GLRA2: variants seen among roughly 807,000 people sequenced by gnomAD.
GLRA2 encodes the protein glycine receptor subunit alpha-2.
GLRA2 carries 11 observed loss-of-function variants against 31.6 expected under a neutral mutation model. The ratio of observed to expected loss-of-function variants is 0.35; its 90% CI spans 0.22 to 0.58. GLRA2 has a LOEUF of 0.58. Among genes scored for constraint, GLRA2 ranks in the 20% least tolerant of loss-of-function variants. The probability of loss-of-function intolerance (pLI) is 0.84; values close to 1 mark genes in which losing one functional copy is unlikely to be tolerated. For missense variants in GLRA2, 212 were observed against 351.8 expected, an observed-to-expected ratio of 0.60 and a Z score of 3.18; for synonymous variants, 132 against 134.0, an observed-to-expected ratio of 0.99 and a Z score of 0.10.
chrX:14,728,145 C>T (rs757897735), intron 8 of GLRA2, among the ~76,000 whole-genome samples: 18 of 111,344 alleles, frequency 1.6e-4, no homozygotes, highest in Admixed American at 1.3e-3. Context: ...TTAAAGGTTA[C>T]AACTAGGCCG....
chrX:14,564,392 A>G (rs2089774671), intron 2 of GLRA2, among the ~76,000 whole-genome samples: 1 of 111,473 alleles, frequency 9.0e-6, no homozygotes, highest in South Asian at 3.7e-4. Flanking sequence ...GGGAGAAATT[A>G]AGACATTACT....
chrX:14,721,381 G>C (rs936356533), intron 8 of GLRA2, among the ~76,000 whole-genome samples: 1 of 111,058 alleles, frequency 9.0e-6, no homozygotes, highest in African/African-American at 3.3e-5. Flanking sequence ...TAATTACCTT[G>C]AGTTAATCAT....
intron 4 of GLRA2, among the ~76,000 whole-genome samples, chrX:14,588,567 G>T (rs764141815): frequency 1.8e-5 from 2 of 111,285 alleles, no homozygotes; most frequent in East Asian, 5.6e-4. Context: ...TATCTGGGCT[G>T]TTTTTTGGTT....
At chrX:14,516,756 C>T in the GLRA2 span, among the ~76,000 whole-genome samples, 9 of 111,525 alleles carry the variant, frequency 8.1e-5, no homozygotes, top group East Asian at 2.0e-3. Flanking sequence ...ACCCAGGCAC[C>T]ATGGCATAAG....
At chrX:14,473,130 G>A in the GLRA2 span, among the ~76,000 whole-genome samples, 1 of 111,593 alleles carries the variant, frequency 9.0e-6, no homozygotes, top group African/African-American at 3.3e-5. Context: ...GGAAAGTTGC[G>A]TGTACTAGTT....
At chrX:14,540,295 T>G (rs2089383831) in intron 2 of GLRA2, among the ~76,000 whole-genome samples, 1 of 110,186 alleles carries the variant, frequency 9.1e-6, no homozygotes, top group Non-Finnish European at 1.9e-5. Flanking sequence ...AGGGAGGGAG[T>G]GATTACCAGA....
In GLRA2 at chrX:14,730,404, C is replaced by T. The variant is rs1217614927; in HGVS notation, c.1278C>T (p.Phe426=). Residue 426 remains phenylalanine (F), a synonymous_variant, in exon 9 of 9, where the codon TTC becomes TTT. Coordinates refer to ENST00000218075, the MANE Select transcript of GLRA2 (RefSeq NM_002063.4). ...TTGACACGATATCTCGAGCTGCCTT[C>T]CCATTGGCCTTCCTCATTTTCAACA... ...KRIDTISRAA[F]PLAFLIFNIF... 8.3e-7 allele frequency: 1 copy of T among 1,203,559 alleles called. No homozygotes were observed. Among genetic ancestry groups the T allele is most frequent in the East Asian group, 3.0e-5 (1 of 33,774 alleles).
At chrX:14,582,172 C>T in intron 4 of GLRA2, among the ~76,000 whole-genome samples, 1 of 99,641 alleles carries the variant, frequency 1.0e-5, no homozygotes, top group South Asian at 4.9e-4. Flanking sequence ...CACCCACTAA[C>T]TCGTCATCTA....
At chrX:14,641,296 CTAAT>C (rs2090770008) in intron 7 of GLRA2, among the ~76,000 whole-genome samples, 1 of 111,431 alleles carries the variant, frequency 9.0e-6, no homozygotes, top group Non-Finnish European at 1.9e-5. Context: ...ATAAAACAGT[CTAAT>C]TAAGTTTTTC....
At chrX:14,699,580 A>C (rs1055888946) in intron 8 of GLRA2, among the ~76,000 whole-genome samples, 4 of 112,377 alleles carry the variant, frequency 3.6e-5, no homozygotes, top group African/African-American at 1.3e-4. Flanking sequence ...TTTCTTCACC[A>C]AATCATCTCT....
intron 7 of GLRA2, among the ~76,000 whole-genome samples, chrX:14,644,374 G>C (rs1010744264): frequency 2.7e-5 from 3 of 111,727 alleles, no homozygotes; most frequent in Non-Finnish European, 5.6e-5. Context: ...TTTAGGAAGA[G>C]GGAAACTGAG....
At chrX:14,685,353 C>T (rs1268504355) in intron 7 of GLRA2, among the ~76,000 whole-genome samples, 3 of 111,911 alleles carry the variant, frequency 2.7e-5, no homozygotes, top group Non-Finnish European at 3.8e-5. Flanking sequence ...GGAGGATTCC[C>T]TCTTTTTCTA....
At chrX:14,665,485 C>T (rs1157234469) in intron 7 of GLRA2, among the ~76,000 whole-genome samples, 1 of 111,620 alleles carries the variant, frequency 9.0e-6, no homozygotes, top group Non-Finnish European at 1.9e-5. Context: ...TTTAAATAAC[C>T]CCAATCACCA....
At chrX:14,505,906 T>C in the GLRA2 span, among the ~76,000 whole-genome samples, 1 of 111,118 alleles carries the variant, frequency 9.0e-6, no homozygotes, top group Non-Finnish European at 1.9e-5. Context: ...AAAACACAGT[T>C]TTAAAACCAT....
At chrX:14,530,906 G>A (rs1172865751) in intron 1 of GLRA2, 1 of 801,520 alleles carries the variant, frequency 1.2e-6, no homozygotes, top group Admixed American at 5.9e-5. Context: ...GACAGGAGAT[G>A]CTCTTACAAC....
At chrX:14,477,789 G>C in the GLRA2 span, among the ~76,000 whole-genome samples, 373 of 110,668 alleles carry the variant, frequency 3.4e-3, 4 homozygotes, top group African/African-American at 0.011. Context: ...TGTTATCTTG[G>C]ATGCAGTAGA....
At chrX:14,486,340 C>G in the GLRA2 span, among the ~76,000 whole-genome samples, 309 of 111,151 alleles carry the variant, frequency 2.8e-3, 1 homozygote, top group African/African-American at 9.8e-3. Context: ...GGTAGGGAGG[C>G]TTTCTTTTAA....
At chrX:14,635,629 A>C (rs1441175807) in intron 7 of GLRA2, among the ~76,000 whole-genome samples, 1 of 111,960 alleles carries the variant, frequency 8.9e-6, no homozygotes, top group Non-Finnish European at 1.9e-5. Flanking sequence ...CTGTGTTACT[A>C]TTCAGGAGAA....
At chrX:14,605,166 G>A (rs1477540165) in intron 5 of GLRA2, among the ~76,000 whole-genome samples, 1 of 111,718 alleles carries the variant, frequency 9.0e-6, no homozygotes, top group African/African-American at 3.2e-5. Flanking sequence ...AAAATGCAGA[G>A]AATAATAAGT....
Sources: gnomAD v4.1 joint callset for allele counts (sites outside exome capture counted in the v4.1 genomes callset) on GRCh38, gnomAD v4.1.1 for gene constraint, MANE v1.5 for transcripts, NCBI Gene and HGNC (gene_info 2026-07-23, HGNC 2026-07-21) for gene names.